The following CDH12 variants were observed in gnomAD, a reference collection of about 807,000 sequenced individuals.
The protein encoded by CDH12 is cadherin-12.
Under a neutral mutation model 74.1 loss-of-function variants are expected in CDH12, and 41 were observed. The ratio of observed to expected loss-of-function variants is 0.55; its 90% CI spans 0.43 to 0.72. CDH12 has a LOEUF of 0.72. Ranked by LOEUF, CDH12 falls within the 30% of genes least tolerant of loss-of-function variation. The probability of loss-of-function intolerance (pLI) is 0.00; values close to 1 mark genes in which losing one functional copy is unlikely to be tolerated. For synonymous variants in CDH12, 399 were observed against 355.0 expected (o/e 1.12, Z -1.39); for missense variants, 945 against 977.2 (o/e 0.97, Z 0.44).
At chr5:22,400,513 C>G (rs566221595) in intron 3 of CDH12, among the ~76,000 whole-genome samples, 8 of 152,034 alleles carry the variant, frequency 5.3e-5, no homozygotes, top group African/African-American at 1.9e-4. Flanking sequence ...CAGGCTGAAC[C>G]TTGAACCCCT....
intron 6 of CDH12, among the ~76,000 whole-genome samples, chr5:21,868,389 A>G (rs1192930347): frequency 6.6e-6 from 1 of 152,112 alleles, no homozygotes; most frequent in Non-Finnish European, 1.5e-5. Flanking sequence ...GTCTCAAGAA[A>G]CCAAACTGTA....
chr5:22,035,686 ACTT>A (rs896857662), intron 5 of CDH12, among the ~76,000 whole-genome samples: 19 of 148,396 alleles, frequency 1.3e-4, no homozygotes, highest in South Asian at 4.3e-4. Context: ...GAAGAGGTTT[ACTT>A]CTTCTTTTTT....
At chr5:22,081,546 T>C (rs1201174370) in intron 4 of CDH12, among the ~76,000 whole-genome samples, 3 of 152,182 alleles carry the variant, frequency 2.0e-5, no homozygotes, top group Non-Finnish European at 4.4e-5. Context: ...TTCTAGAATA[T>C]GCCATTAGGT....
chr5:22,254,610 A>G (rs75383381), intron 3 of CDH12, among the ~76,000 whole-genome samples: 6,074 of 151,954 alleles, frequency 0.04, 421 homozygotes, highest in African/African-American at 0.14. Flanking sequence ...ACAAACCCCA[A>G]TGACAAAAGT....
rs571054990 is a variant in CDH12, at chr5:22,580,859, C to T, written c.-522-75495G>A. ...TGCTATGTTTTAGCAAAGAGACTGG[C>T]GGCATTTTGCCCATGGCCTAGAGAT... On this transcript the variant is annotated intron_variant, in intron 1 of 14. Coordinates refer to ENST00000382254, the MANE Select transcript of CDH12 (RefSeq NM_004061.5). 8 of 168,914 alleles carry T rather than the reference C, an allele frequency of 4.7e-5. No homozygotes were observed. The South Asian group carries it at 9.2e-4, about 19-fold the overall frequency. 10.5% of individuals were successfully genotyped at this position (168,914 alleles called of 1,614,324 possible).
chr5:22,276,743 G>A (rs1736651942), intron 3 of CDH12, among the ~76,000 whole-genome samples: 1 of 152,154 alleles, frequency 6.6e-6, no homozygotes, highest in Non-Finnish European at 1.5e-5. Context: ...CTGGAGCGCA[G>A]TGGCGCGATC....
At chr5:22,757,869 C>T (rs529454935) in intron 1 of CDH12, among the ~76,000 whole-genome samples, 4 of 152,298 alleles carry the variant, frequency 2.6e-5, no homozygotes, top group African/African-American at 9.6e-5. Context: ...TAATCCCATT[C>T]AAGCTACATA....
chr5:22,501,265 T>C (rs961497356), intron 2 of CDH12, among the ~76,000 whole-genome samples: 2 of 152,148 alleles, frequency 1.3e-5, no homozygotes, highest in African/African-American at 4.8e-5. Context: ...TGTGATCTGA[T>C]CTATGACTAT....
chr5:22,357,958 T>C (rs1740633113), intron 3 of CDH12, among the ~76,000 whole-genome samples: 1 of 152,206 alleles, frequency 6.6e-6, no homozygotes, highest in Admixed American at 6.6e-5. Context: ...TGGTATTTAA[T>C]GTATATCTCA....
intron 3 of CDH12, among the ~76,000 whole-genome samples, chr5:22,262,732 A>G (rs969508421): frequency 6.6e-5 from 10 of 151,872 alleles, no homozygotes; most frequent in Admixed American, 3.3e-4. Context: ...AGTCCCACCA[A>G]CAGTGTAAAA....
At chr5:21,888,087 A>G (rs1335262286) in intron 6 of CDH12, among the ~76,000 whole-genome samples, 1 of 152,160 alleles carries the variant, frequency 6.6e-6, no homozygotes, top group Admixed American at 6.5e-5. Context: ...CTGCTACATT[A>G]GCCGGGCCTG....
chr5:22,760,134 A>G (rs979105264), intron 1 of CDH12, among the ~76,000 whole-genome samples: 1 of 152,216 alleles, frequency 6.6e-6, no homozygotes, highest in African/African-American at 2.4e-5. Context: ...CTTTGTAGCA[A>G]TGAATAAAAT....
intron 5 of CDH12, among the ~76,000 whole-genome samples, chr5:22,047,193 C>A (rs942639427): frequency 2.0e-5 from 3 of 152,134 alleles, no homozygotes; most frequent in African/African-American, 7.2e-5. Flanking sequence ...AGCTCACACC[C>A]TTTCAGTATT....
chr5:22,517,629 TCTGA>T (rs1736863688), intron 1 of CDH12, among the ~76,000 whole-genome samples: 1 of 152,194 alleles, frequency 6.6e-6, no homozygotes, highest in Non-Finnish European at 1.5e-5. Context: ...TCTGGAGAAC[TCTGA>T]CTAATACACT....
At position 21,755,635 on chromosome 5, in the gene CDH12, G is replaced by C; in HGVS notation, c.1841C>G (p.Thr614Ser). 1 of 1,613,964 alleles carries C rather than the reference G, an allele frequency of 6.2e-7. No individual in the cohort carries two copies. Among genetic ancestry groups the C allele is most frequent in the Non-Finnish European group, 8.5e-7 (1 of 1,179,888 alleles). Residue 614 changes from threonine (T) to serine (S), a missense_variant, in exon 14 of 15, where the codon ACT becomes AGT. Physicochemically the swap from Thr to Ser is moderately conservative, Grantham distance 58. Transcript: ENST00000382254. ...EAIFLPVGLS[T>S]GALIAILLCI... ...TAGTAGAATTGCAATCAACGCCCCAGTGCTAAGTCCTACAGGTAGAAAAAT... is the reference window on the plus strand; with the variant it reads ...TAGTAGAATTGCAATCAACGCCCCACTGCTAAGTCCTACAGGTAGAAAAAT...
chr5:22,167,020 GA>G (rs1171336373), intron 4 of CDH12, among the ~76,000 whole-genome samples: 1 of 152,064 alleles, frequency 6.6e-6, no homozygotes, highest in Non-Finnish European at 1.5e-5. Context: ...ATTTTGAAAA[GA>G]AAATAAGTGT....
chr5:21,897,491 G>A (rs1403384842), intron 6 of CDH12, among the ~76,000 whole-genome samples: 2 of 152,158 alleles, frequency 1.3e-5, no homozygotes, highest in Admixed American at 6.5e-5. Context: ...AGTTTTTAGA[G>A]ACAGTATCAT....
intron 4 of CDH12, among the ~76,000 whole-genome samples, chr5:22,184,705 C>T (rs919547498): frequency 1.3e-5 from 2 of 152,202 alleles, no homozygotes; most frequent in African/African-American, 2.4e-5. Context: ...ATGTGCAGAA[C>T]CAGCTCAAAG....
At chr5:22,497,153 T>G (rs1561448717) in intron 2 of CDH12, among the ~76,000 whole-genome samples, 1 of 152,194 alleles carries the variant, frequency 6.6e-6, no homozygotes, top group Non-Finnish European at 1.5e-5. Context: ...ATAGAAAGTG[T>G]GATGTGTTTG....
Sources: gnomAD v4.1 joint callset for allele counts (sites outside exome capture counted in the v4.1 genomes callset) on GRCh38, gnomAD v4.1.1 for gene constraint, MANE v1.5 for transcripts, NCBI Gene and HGNC (gene_info 2026-07-23, HGNC 2026-07-21) for gene names.